The following ADGRL3 variants were observed in gnomAD, a reference collection of about 807,000 sequenced individuals.
ADGRL3 encodes the protein calcium-independent alpha-latrotoxin receptor 3.
Under a neutral mutation model 153.5 loss-of-function variants are expected in ADGRL3, and 62 were observed. The observed-to-expected ratio is 0.40, with a 90% confidence interval of 0.33 to 0.50. The LOEUF is 0.50. ADGRL3 is among the 20% of genes least tolerant of loss of function. The pLI is 0.47. For synonymous variants in ADGRL3, 710 were observed against 672.5 expected (o/e 1.06, Z -0.86); for missense variants, 1,641 against 1,859.4 (o/e 0.88, Z 2.16).
intron 5 of ADGRL3, among the ~76,000 whole-genome samples, chr4:61,645,115 T>G (rs1476998361): frequency 5.2e-5 from 1 of 19,126 alleles, no homozygotes; most frequent in Admixed American, 8.7e-4. Context: ...ACCCCTGCCT[T>G]TTTTTGTTTT....
At chr4:61,693,771 C>G (rs1166524710) in intron 6 of ADGRL3, among the ~76,000 whole-genome samples, 1 of 152,140 alleles carries the variant, frequency 6.6e-6, no homozygotes, top group African/African-American at 2.4e-5. Context: ...CTGGCAGTGT[C>G]AGCTTTCTTC....
intron 8 of ADGRL3, among the ~76,000 whole-genome samples, chr4:61,734,033 G>A (rs913651832): frequency 1.3e-5 from 2 of 152,158 alleles, no homozygotes; most frequent in Non-Finnish European, 1.5e-5. Flanking sequence ...TGGGAAGGTT[G>A]TCAGTTTGAG....
chr4:62,064,245 T>A (rs973137941), intron 25 of ADGRL3, among the ~76,000 whole-genome samples: 1 of 152,000 alleles, frequency 6.6e-6, no homozygotes, highest in Non-Finnish European at 1.5e-5. Context: ...TGCTTTTTCT[T>A]CTGTGGCTAT....
intron 1 of ADGRL3, among the ~76,000 whole-genome samples, chr4:61,214,187 A>G (rs1741528961): frequency 6.6e-6 from 1 of 152,222 alleles, no homozygotes; most frequent in South Asian, 2.1e-4. Context: ...TCAAAAATGC[A>G]AATTTACTGG....
intron 8 of ADGRL3, among the ~76,000 whole-genome samples, chr4:61,773,823 G>A (rs2152321372): frequency 6.6e-6 from 1 of 152,216 alleles, no homozygotes; most frequent in Non-Finnish European, 1.5e-5. Context: ...GGAATTTAGG[G>A]CTATATAGCA....
intron 6 of ADGRL3, among the ~76,000 whole-genome samples, chr4:61,719,602 AC>A (rs1346785156): frequency 8.8e-6 from 1 of 113,392 alleles, no homozygotes; most frequent in Non-Finnish European, 1.7e-5. Flanking sequence ...CCTCTGTCAT[AC>A]CTTTTTTTTT....
chr4:61,835,828 T>G (rs2148926589), intron 9 of ADGRL3, among the ~76,000 whole-genome samples: 1 of 152,286 alleles, frequency 6.6e-6, no homozygotes, highest in Admixed American at 6.5e-5. Context: ...TGTCAAAAGA[T>G]AAAGGCTTAA....
At chr4:61,900,333 G>A (rs2098657529) in intron 11 of ADGRL3, among the ~76,000 whole-genome samples, 1 of 152,020 alleles carries the variant, frequency 6.6e-6, no homozygotes, top group Non-Finnish European at 1.5e-5. Flanking sequence ...AGGCCAAGTG[G>A]AAGAAAACAG....
intron 8 of ADGRL3, among the ~76,000 whole-genome samples, chr4:61,792,237 G>C (rs1477450946): frequency 1.3e-5 from 2 of 152,036 alleles, no homozygotes; most frequent in South Asian, 2.1e-4. Context: ...TCTTCTTCCA[G>C]GTGCCCTAAA....
Position 61,415,784 on chromosome 4 carries a change from A to G in ADGRL3, c.-174+32595A>G, listed in dbSNP as rs943400581. Among the ~76,000 whole-genome samples, 4 of 152,130 alleles carry G rather than the reference A, an allele frequency of 2.6e-5. No homozygotes were observed. In the South Asian group the frequency reaches 8.3e-4, roughly 32 times the overall value. On this transcript the variant is annotated intron_variant, in intron 2 of 26. Coordinates refer to ENST00000683033, the MANE Select transcript of ADGRL3 (RefSeq NM_001387552.1). ...ATTATCTTTTTTTTCAATATAGCAT[A>G]TATTGTCAGCTTTTTAGATAATCAC...
rs193092006 is a variant in ADGRL3 at position 61,632,886 on chromosome 4, G to T, written c.474-43940G>T. 6.6e-4 allele frequency among the ~76,000 whole-genome samples: 100 copies of T among 152,124 alleles called. 1 individual carries two copies. Among genetic ancestry groups the T allele is most frequent in the African/African-American group, 2.2e-3 (91 of 41,522 alleles). On this transcript the variant is annotated intron_variant, in intron 5 of 26. Transcript: ENST00000683033. ...GTCTGAGATATTCACATTTTAAAAG[G>T]CTCATTACTTATTTTTTTCAGGAAA...
chr4:61,611,997 A>G (rs1443119327), intron 5 of ADGRL3, among the ~76,000 whole-genome samples: 2 of 152,130 alleles, frequency 1.3e-5, no homozygotes, highest in African/African-American at 4.8e-5. Context: ...AGCCTCATAC[A>G]TTTCTTGTTC....
chr4:61,423,816 A>G (rs2097241572), intron 2 of ADGRL3, among the ~76,000 whole-genome samples: 1 of 152,184 alleles, frequency 6.6e-6, no homozygotes, highest in Non-Finnish European at 1.5e-5. Context: ...ACCTGAGATA[A>G]GAAGAAATGG....
At chr4:61,647,363 A>G (rs2094059740) in intron 5 of ADGRL3, among the ~76,000 whole-genome samples, 1 of 152,154 alleles carries the variant, frequency 6.6e-6, no homozygotes, top group Admixed American at 6.5e-5. Context: ...TTACAGACGA[A>G]AAAATTAAAA....
intron 25 of ADGRL3, among the ~76,000 whole-genome samples, chr4:62,052,044 CA>C (rs1734490188): frequency 6.6e-6 from 1 of 151,432 alleles, no homozygotes; most frequent in Non-Finnish European, 1.5e-5. Flanking sequence ...TAGTCATTTG[CA>C]TATTGTACTC....
At chr4:61,849,997 T>C (rs2098182260) in intron 9 of ADGRL3, among the ~76,000 whole-genome samples, 1 of 152,178 alleles carries the variant, frequency 6.6e-6, no homozygotes. Flanking sequence ...GAGGCATTGT[T>C]AAGACAGTCT....
chr4:61,879,153 TTATAATGTTAC>T (rs1164220941), intron 9 of ADGRL3, among the ~76,000 whole-genome samples: 15 of 152,230 alleles, frequency 9.9e-5, no homozygotes, highest in Non-Finnish European at 1.8e-4. Context: ...CTGAATTTGA[TTATAATGTTAC>T]TATTGCTGAA....
At chr4:61,562,671 A>T (rs1030478440) in intron 4 of ADGRL3, among the ~76,000 whole-genome samples, 4 of 152,086 alleles carry the variant, frequency 2.6e-5, no homozygotes, top group Non-Finnish European at 1.5e-5. Context: ...TTCAGGCTCC[A>T]CTTCTAATTC....
At chr4:61,623,703 TAGGGAG>T (rs963794642) in intron 5 of ADGRL3, among the ~76,000 whole-genome samples, 1 of 152,146 alleles carries the variant, frequency 6.6e-6, no homozygotes, top group Non-Finnish European at 1.5e-5. Context: ...TACTAGGCTA[TAGGGAG>T]TCTCTACTGA....
Sources: allele counts gnomAD v4.1 joint callset (sites outside exome capture counted in the v4.1 genomes callset), GRCh38; gene constraint gnomAD v4.1.1; transcripts MANE v1.5; gene names NCBI Gene and HGNC (gene_info 2026-07-23, HGNC 2026-07-21).